ANK2: variants seen among roughly 807,000 people sequenced by gnomAD.
ANK2 encodes the protein ankyrin 2.
Under a neutral mutation model 360.5 loss-of-function variants are expected in ANK2, and 83 were observed. That is an observed-to-expected ratio of 0.23 (90% confidence interval 0.19 to 0.28). The LOEUF is 0.28. Ranked by LOEUF, ANK2 falls within the 10% of genes least tolerant of loss-of-function variation. ANK2 has a pLI of 1.00. For missense variants in ANK2, 4,201 were observed against 4,795.7 expected, an observed-to-expected ratio of 0.88 and a Z score of 3.66; for synonymous variants, 1,740 against 1,759.5, an observed-to-expected ratio of 0.99 and a Z score of 0.28.
At chr4:113,292,104 G>A (rs1489403981) in intron 20 of ANK2, among the ~76,000 whole-genome samples, 1 of 152,066 alleles carries the variant, frequency 6.6e-6, no homozygotes, top group Non-Finnish European at 1.5e-5. Context: ...AGCAGAAGTC[G>A]ACTGCACCCA....
At chr4:112,992,742 C>T (rs1424307468) in intron 2 of ANK2, among the ~76,000 whole-genome samples, 2 of 152,170 alleles carry the variant, frequency 1.3e-5, no homozygotes, top group African/African-American at 2.4e-5. Context: ...CTCCTCTAAA[C>T]TTAATCACCT....
Position 112,835,021 on chromosome 4 carries a change from G to C in ANK2, c.-40+16757G>C, listed in dbSNP as rs77560345. Among the ~76,000 whole-genome samples, 1,451 of 152,198 alleles carry C rather than the reference G, an allele frequency of 9.5e-3. 31 individuals are homozygous for C. Among genetic ancestry groups the C allele is most frequent in the African/African-American group, 0.032 (1,348 of 41,536 alleles). On this transcript the variant is annotated intron_variant, in intron 1 of 30. Coordinates refer to the ANK2 transcript ENST00000503271. Reference sequence around the variant, plus strand: ...CTCCTTCATAGGGGGTGCTTGCTCTGCTCTTCCTGCTGTATCATCTCAGGA... The same window carrying C: ...CTCCTTCATAGGGGGTGCTTGCTCTCCTCTTCCTGCTGTATCATCTCAGGA...
chr4:113,358,779 A>C lies in ANK2; in HGVS notation c.10161A>C (p.Arg3387Ser), dbSNP rs746123794. 1.9e-6 allele frequency: 3 copies of C among 1,614,080 alleles called. No individual in the cohort carries two copies. In the Middle Eastern group the frequency reaches 4.9e-4, roughly 266 times the overall value. ...TGGCAAGCATCGCACCAGATAATAG[A>C]AGCAAATCTGAATCTGATGCTAGTT... ...QDMASIAPDNRSKSESDASSL... is the reference protein window; with the variant it reads ...QDMASIAPDNSSKSESDASSL... Residue 3387 changes from arginine to serine, a missense_variant, in exon 38 of 46, where the codon AGA becomes AGC. Physicochemically the swap from Arg to Ser is moderately radical, Grantham distance 110. Around this residue, in one of 4 missense-constraint regions of ANK2, gnomAD observed 2,642 missense variants for 2,714.5 expected, o/e 0.97. Transcript: ENST00000357077.
chr4:113,081,878 T>A (rs1272297001), intron 1 of ANK2, among the ~76,000 whole-genome samples: 1 of 151,930 alleles, frequency 6.6e-6, no homozygotes, highest in Non-Finnish European at 1.5e-5. Flanking sequence ...GGTGCAGTCT[T>A]AGCTCACTGC....
chr4:113,004,726 T>G (rs545948699), intron 2 of ANK2, among the ~76,000 whole-genome samples: 3 of 152,216 alleles, frequency 2.0e-5, no homozygotes, highest in Non-Finnish European at 4.4e-5. Flanking sequence ...TGTACCTAAT[T>G]GTATATGCTA....
the ANK2 span, among the ~76,000 whole-genome samples, chr4:112,769,476 A>G: frequency 6.6e-6 from 1 of 152,178 alleles, no homozygotes; most frequent in Non-Finnish European, 1.5e-5. Context: ...CTTGGAGTCA[A>G]CCTTGGTTTC....
At chr4:112,923,731 A>C (rs1351995207) in intron 2 of ANK2, among the ~76,000 whole-genome samples, 1 of 152,202 alleles carries the variant, frequency 6.6e-6, no homozygotes, top group Non-Finnish European at 1.5e-5. Flanking sequence ...GTTGTAAAAA[A>C]TAGTATTGGT....
In ANK2 at chr4:113,258,002, A is replaced by G. The variant is rs113812059; in HGVS notation, c.1189-48A>G. On this transcript the variant is annotated intron_variant, in intron 11 of 45. Transcript: ENST00000357077. ...CAATGTGCCAGCATGGAGTTGTGTG[A>G]GAATTGTTTCTGCATGTTTTCAACT... 131 of 1,505,566 alleles carry G rather than the reference A, an allele frequency of 8.7e-5. 2 individuals carry two copies. The African/African-American group carries it at 1.7e-3, about 19-fold the overall frequency. The allele number at this position is 1,505,566 out of a possible 1,614,324, so 93.3% of individuals were successfully genotyped here. A position where few individuals can be genotyped will look rare whatever the true frequency, so the allele number is the denominator to read the frequency against.
At chr4:113,022,197 A>G (rs1241487191) in intron 2 of ANK2, among the ~76,000 whole-genome samples, 7 of 152,218 alleles carry the variant, frequency 4.6e-5, no homozygotes, top group Non-Finnish European at 1.0e-4. Flanking sequence ...ATACAAATAA[A>G]TGTCGAGACT....
intron 4 of ANK2, among the ~76,000 whole-genome samples, chr4:113,212,067 A>T (rs1046870595): frequency 6.6e-6 from 1 of 152,228 alleles, no homozygotes; most frequent in Non-Finnish European, 1.5e-5. Flanking sequence ...AGCTTAATAC[A>T]TAATTTGCAT....
Position 112,919,229 on chromosome 4 carries a change from A to G in ANK2, c.21+14715A>G, listed in dbSNP as rs75134123. ...GTGATAGTGAAGACTTGTAGCAGTT[A>G]TATGGAGCAGGGTATAGCATTAAAG... On this transcript the variant is annotated intron_variant, in intron 2 of 30. Coordinates refer to the ANK2 transcript ENST00000503271. 4.7e-4 allele frequency among the ~76,000 whole-genome samples: 72 copies of G among 152,102 alleles called. No homozygotes were observed. In the East Asian group the frequency reaches 0.014, roughly 29 times the overall value.
chr4:113,078,753 G>A (rs1433842929), intron 1 of ANK2, among the ~76,000 whole-genome samples: 1 of 152,056 alleles, frequency 6.6e-6, no homozygotes, highest in Non-Finnish European at 1.5e-5. Context: ...ACTTTATAAC[G>A]TTTACCTGTA....
chr4:113,285,716 C>T (rs1366978987), intron 18 of ANK2, among the ~76,000 whole-genome samples: 2 of 152,086 alleles, frequency 1.3e-5, no homozygotes, highest in Non-Finnish European at 2.9e-5. Flanking sequence ...AGCATTCATT[C>T]CCCCAGGATA....
intron 1 of ANK2, chr4:113,149,189 G>A (rs1583068225): frequency 6.6e-6 from 1 of 152,168 alleles, no homozygotes; most frequent in Admixed American, 6.5e-5. Flanking sequence ...GATTGGATTA[G>A]GATGTTAACA....
chr4:113,323,866 A>G, intron 26 of ANK2: 3 of 1,450,848 alleles, frequency 2.1e-6, no homozygotes, highest in Admixed American at 1.8e-5. Flanking sequence ...CTCCTTCTGC[A>G]TATTCCTTGC....
At chr4:113,116,457 T>TCTGTAAATGGTACAGTGAGGAC (rs2094788941) in intron 1 of ANK2, among the ~76,000 whole-genome samples, 1 of 152,188 alleles carries the variant, frequency 6.6e-6, no homozygotes, top group Non-Finnish European at 1.5e-5. Flanking sequence ...CTCACGTGGA[T>TCTGTAAATGGTACAGTGAGGAC]CTGTAAATGG....
intron 14 of ANK2, among the ~76,000 whole-genome samples, chr4:113,269,285 GT>G (rs2057545042): frequency 6.6e-6 from 1 of 152,146 alleles, no homozygotes; most frequent in Non-Finnish European, 1.5e-5. Flanking sequence ...GGAGTGAACC[GT>G]TCTGTCTCAC....
At chr4:113,059,298 T>C (rs145271793) in intron 1 of ANK2, among the ~76,000 whole-genome samples, 1 of 152,160 alleles carries the variant, frequency 6.6e-6, no homozygotes, top group Admixed American at 6.6e-5. Context: ...TTCTGTAAAG[T>C]TGACACAGTA....
chr4:113,052,700 C>T (rs907074277), intron 1 of ANK2, among the ~76,000 whole-genome samples: 3 of 152,180 alleles, frequency 2.0e-5, no homozygotes, highest in Non-Finnish European at 2.9e-5. Context: ...TCAGAAACCA[C>T]AAGGAGTACA....
Sources: gnomAD v4.1 joint callset for allele counts (sites outside exome capture counted in the v4.1 genomes callset) on GRCh38, gnomAD v4.1.1 for gene constraint, gnomAD v4.1.1 regional missense constraint, MANE v1.5 for transcripts, NCBI Gene and HGNC (gene_info 2026-07-23, HGNC 2026-07-21) for gene names.